Variants in CCDC178 observed in about 807,000 individuals in gnomAD.
The protein encoded by CCDC178 is coiled-coil domain-containing protein 178.
Under a neutral mutation model 117.4 loss-of-function variants are expected in CCDC178, and 126 were observed. The observed-to-expected ratio is 1.07, with a 90% CI of 0.93 to 1.24. The LOEUF (loss-of-function observed/expected upper bound fraction) is 1.24. Ranked by LOEUF, CCDC178 falls within the 50% of genes most tolerant of loss-of-function variation. CCDC178 has a pLI of 0.00. For missense variants in CCDC178, 1,030 were observed against 986.9 expected (o/e 1.04, Z -0.59); for synonymous variants, 283 against 313.4 (o/e 0.90, Z 1.02).
intron 5 of CCDC178, among the ~76,000 whole-genome samples, chr18:33,379,138 CCATATATATATAATAT>C (rs2063402969): frequency 8.3e-6 from 1 of 120,702 alleles, no homozygotes; most frequent in Admixed American, 9.1e-5. Flanking sequence ...ATATATATTT[CCATATATATATAATAT>C]ATATATTTCC....
chr18:33,196,826 TG>T (rs1157530062), intron 20 of CCDC178, among the ~76,000 whole-genome samples: 1 of 152,140 alleles, frequency 6.6e-6, no homozygotes, highest in Non-Finnish European at 1.5e-5. Flanking sequence ...CCTGCTGAAA[TG>T]GGGAGTTTTT....
Position 33,348,942 on chromosome 18 carries a change from TTC to T in CCDC178, c.403_404del (p.Glu135ArgfsTer19). The T allele has an allele frequency of 6.2e-7, 1 of 1,610,088 alleles. No homozygotes were observed. Among genetic ancestry groups the T allele is most frequent in the Non-Finnish European group, 8.5e-7 (1 of 1,177,942 alleles). On this transcript the variant is annotated frameshift_variant, in exon 8 of 23. Coordinates refer to ENST00000383096, the MANE Select transcript of CCDC178 (RefSeq NM_001105528.4). LOFTEE classifies it high-confidence loss of function. ...TCACTGGTGTAGTTACACTCCAATC[TTC>T]TTTCAGGTCTTTTGTGGAAGAAGTT... Reference protein sequence around the residue: ...SRTSSTKDLKEDWSVTTPVKE... With the variant: ...SRTSSTKDLKXDWSVTTPVKE...
chr18:32,958,731 TC>T (rs2054643800), intron 22 of CCDC178, among the ~76,000 whole-genome samples: 1 of 152,182 alleles, frequency 6.6e-6, no homozygotes, highest in African/African-American at 2.4e-5. Context: ...CTTTGAGCTT[TC>T]CTGACTTAAC....
intron 18 of CCDC178, among the ~76,000 whole-genome samples, chr18:33,221,411 G>T (rs73959111): frequency 0.016 from 2,421 of 152,084 alleles, 57 homozygotes; most frequent in African/African-American, 0.053. Flanking sequence ...GAAAGAGATA[G>T]ATGGACATGA....
chr18:33,156,201 G>C (rs1317326964), intron 20 of CCDC178, among the ~76,000 whole-genome samples: 2 of 145,654 alleles, frequency 1.4e-5, no homozygotes, highest in African/African-American at 5.1e-5. Context: ...CGATTCTCCT[G>C]CCTCAGCCAC....
intron 6 of CCDC178, among the ~76,000 whole-genome samples, chr18:33,364,060 G>A (rs768381181): frequency 1.6e-4 from 25 of 151,968 alleles, no homozygotes; most frequent in Non-Finnish European, 3.1e-4. Flanking sequence ...CTTGAAATAC[G>A]CTCTAACAGC....
At chr18:33,305,742 CCCT>C (rs777425523) in intron 11 of CCDC178, among the ~76,000 whole-genome samples, 8 of 152,128 alleles carry the variant, frequency 5.3e-5, no homozygotes, top group Non-Finnish European at 1.2e-4. Context: ...TACTTCCTCC[CCCT>C]CCTCCTTCTT....
chr18:33,112,092 T>A (rs1223143423), intron 20 of CCDC178, among the ~76,000 whole-genome samples: 1 of 151,820 alleles, frequency 6.6e-6, no homozygotes, highest in Non-Finnish European at 1.5e-5. Flanking sequence ...TCTGCTTTCA[T>A]AAACTCATGA....
chr18:33,344,198 G>A (rs1166134924), intron 9 of CCDC178, among the ~76,000 whole-genome samples: 1 of 150,590 alleles, frequency 6.6e-6, no homozygotes, highest in African/African-American at 2.4e-5. Flanking sequence ...CAGCTACTCG[G>A]GAGGCTGAGG....
intron 20 of CCDC178, among the ~76,000 whole-genome samples, chr18:33,101,035 C>A (rs1443101585): frequency 6.6e-6 from 1 of 151,776 alleles, no homozygotes; most frequent in Non-Finnish European, 1.5e-5. Context: ...TAATCCGTGG[C>A]ACAATTTTTG....
chr18:33,031,612 A>AT (rs1292461824), intron 21 of CCDC178, among the ~76,000 whole-genome samples: 1 of 151,724 alleles, frequency 6.6e-6, no homozygotes, highest in Non-Finnish European at 1.5e-5. Flanking sequence ...ACTATTTCTG[A>AT]TTTTTTTCAT....
At chr18:33,154,812 T>A (rs1384197152) in intron 20 of CCDC178, among the ~76,000 whole-genome samples, 1 of 152,160 alleles carries the variant, frequency 6.6e-6, no homozygotes, top group Non-Finnish European at 1.5e-5. Context: ...AAGGTCATTT[T>A]ATAAAGGGTC....
intron 21 of CCDC178, among the ~76,000 whole-genome samples, chr18:33,058,104 A>G (rs2056861286): frequency 6.6e-6 from 1 of 152,180 alleles, no homozygotes; most frequent in Non-Finnish European, 1.5e-5. Flanking sequence ...ATCAAAAGGT[A>G]AAACAGAGAG....
chr18:32,962,963 A>G (rs2054737357), intron 22 of CCDC178, among the ~76,000 whole-genome samples: 1 of 152,072 alleles, frequency 6.6e-6, no homozygotes, highest in Non-Finnish European at 1.5e-5. Context: ...CATTTCTGAA[A>G]TATCAACCCT....
At chr18:33,374,162 G>T (rs2063334880) in intron 5 of CCDC178, among the ~76,000 whole-genome samples, 1 of 152,148 alleles carries the variant, frequency 6.6e-6, no homozygotes, top group African/African-American at 2.4e-5. Context: ...GAAACATCTG[G>T]AAGAGGGCAG....
At chr18:33,173,122 T>G (rs138900869) in intron 20 of CCDC178, among the ~76,000 whole-genome samples, 387 of 152,302 alleles carry the variant, frequency 2.5e-3, no homozygotes, top group Middle Eastern at 0.02. Flanking sequence ...TGACCTTGGC[T>G]CACTGCAGCC....
rs750844147 is a variant in CCDC178, at chr18:32,974,536, C to A, written c.2523+11G>T. 1.9e-6 allele frequency: 3 copies of A among 1,612,440 alleles called. No homozygotes were observed. Among genetic ancestry groups the A allele is most frequent in the Non-Finnish European group, 1.7e-6 (2 of 1,179,322 alleles). ...CAGAATGATCTTTCCTACTTCCCTGCAATCACCTACCTGCACAGCTAATAT... is the reference window on the plus strand; with the variant it reads ...CAGAATGATCTTTCCTACTTCCCTGAAATCACCTACCTGCACAGCTAATAT... On this transcript the variant is annotated intron_variant, in intron 22 of 22. Coordinates refer to ENST00000383096, the MANE Select transcript of CCDC178 (RefSeq NM_001105528.4).
chr18:33,281,997 C>T (rs1284564494), intron 12 of CCDC178, among the ~76,000 whole-genome samples: 2 of 152,144 alleles, frequency 1.3e-5, no homozygotes, highest in Admixed American at 1.3e-4. Flanking sequence ...CATGGAGGCA[C>T]TGAGACTACT....
intron 2 of CCDC178, among the ~76,000 whole-genome samples, chr18:33,418,209 C>G (rs1238145767): frequency 6.6e-6 from 1 of 152,056 alleles, no homozygotes; most frequent in East Asian, 1.9e-4. Flanking sequence ...TTAATAATGT[C>G]ATTTATTACA....
Sources: allele counts gnomAD v4.1 joint callset (sites outside exome capture counted in the v4.1 genomes callset), GRCh38; gene constraint gnomAD v4.1.1; transcripts MANE v1.5; gene names NCBI Gene and HGNC (gene_info 2026-07-23, HGNC 2026-07-21).